The following PCDH7 variants were observed in gnomAD, a reference collection of about 807,000 sequenced individuals.
PCDH7 encodes protocadherin-7.
Under a neutral mutation model 58.9 loss-of-function variants are expected in PCDH7, and 17 were observed. The observed-to-expected ratio is 0.29, with a 90% CI of 0.20 to 0.43. The LOEUF (loss-of-function observed/expected upper bound fraction) is 0.43. Ranked by LOEUF, PCDH7 falls within the 20% of genes least tolerant of loss-of-function variation. The probability of loss-of-function intolerance (pLI) is 1.00; values close to 1 mark genes in which losing one functional copy is unlikely to be tolerated. For synonymous variants in PCDH7, 664 were observed against 616.4 expected, an observed-to-expected ratio of 1.08 and a Z score of -1.14; for missense variants, 1,274 against 1,441.0, an observed-to-expected ratio of 0.88 and a Z score of 1.88.
At chr4:30,808,527 A>C (rs536019375) in intron 1 of PCDH7, among the ~76,000 whole-genome samples, 9 of 152,228 alleles carry the variant, frequency 5.9e-5, no homozygotes, top group African/African-American at 2.2e-4. Context: ...TCTCCTTTTT[A>C]ATGATATTTC....
intron 1 of PCDH7, among the ~76,000 whole-genome samples, chr4:30,845,571 T>G (rs927558300): frequency 5.9e-5 from 9 of 152,114 alleles, no homozygotes; most frequent in Admixed American, 1.3e-4. Context: ...TACAACGCAA[T>G]AGGAAATAGG....
intron 1 of PCDH7, among the ~76,000 whole-genome samples, chr4:30,859,419 G>A (rs1733901472): frequency 2.6e-5 from 4 of 151,700 alleles, no homozygotes; most frequent in Admixed American, 2.6e-4. Context: ...GTGCATCAGA[G>A]AAAGCTCTAA....
chr4:31,017,136 A>C (rs1753682213), intron 3 of PCDH7, among the ~76,000 whole-genome samples: 2 of 152,130 alleles, frequency 1.3e-5, no homozygotes, highest in Admixed American at 1.3e-4. Flanking sequence ...GCCAACTGTA[A>C]AAGCTGCCCA....
At chr4:30,935,469 C>G (rs575501335) in intron 2 of PCDH7, 1 of 225,202 alleles carries the variant, frequency 4.4e-6, no homozygotes, top group Non-Finnish European at 7.4e-6. Flanking sequence ...TTCTATGAAA[C>G]TATAGAAAAA....
intron 3 of PCDH7, among the ~76,000 whole-genome samples, chr4:30,988,570 A>G (rs1434893051): frequency 1.3e-5 from 2 of 152,170 alleles, no homozygotes; most frequent in African/African-American, 4.8e-5. Context: ...CAATTTCTAT[A>G]TTTGTGAACT....
intron 2 of PCDH7, among the ~76,000 whole-genome samples, chr4:30,949,258 C>T (rs1462725008): frequency 6.6e-6 from 1 of 152,022 alleles, no homozygotes; most frequent in East Asian, 1.9e-4. Flanking sequence ...TTAAGAGAAA[C>T]ATTTTTTATA....
At chr4:30,916,794 A>C (rs1742525826) in intron 1 of PCDH7, among the ~76,000 whole-genome samples, 2 of 152,190 alleles carry the variant, frequency 1.3e-5, no homozygotes, top group Non-Finnish European at 2.9e-5. Context: ...TCTTCCTGAC[A>C]ATAAAGTTTC....
intron 3 of PCDH7, among the ~76,000 whole-genome samples, chr4:31,069,847 TATAAA>T (rs1758396151): frequency 6.8e-6 from 1 of 146,256 alleles, no homozygotes; most frequent in Non-Finnish European, 1.5e-5. Context: ...ATATTTTATA[TATAAA>T]TTAATCTCAA....
intron 1 of PCDH7, among the ~76,000 whole-genome samples, chr4:30,760,205 C>T (rs568445242): frequency 3.0e-4 from 45 of 152,296 alleles, no homozygotes; most frequent in African/African-American, 9.6e-4. Context: ...TGTCACAGCT[C>T]TTGCTGAAGG....
At chr4:30,824,135 CTTTCTTTCTTTCT>C (rs1728788201) in intron 1 of PCDH7, among the ~76,000 whole-genome samples, 1 of 143,480 alleles carries the variant, frequency 7.0e-6, no homozygotes, top group Admixed American at 7.1e-5. Flanking sequence ...TTCTTTCTTT[CTTTCTTTCTTTCT>C]TTCTTTCTTT....
At position 30,932,933 on chromosome 4, in the gene PCDH7, C is replaced by T. The variant is rs560471364; in HGVS notation, c.287+12564C>T. Among the ~76,000 whole-genome samples the T allele has an allele frequency of 1.6e-3, 237 of 152,238 alleles. 1 individual carries two copies. Among genetic ancestry groups the T allele is most frequent in the Non-Finnish European group, 2.6e-3 (175 of 68,008 alleles). On this transcript the variant is annotated intron_variant, in intron 2 of 3. Coordinates refer to the PCDH7 transcript ENST00000509759. ...CTCTGCCTCCTCTTCAAAGCAATAC[C>T]CTTTCTTTAAGGAGAGCCAAGGAAA...
chr4:30,738,262 T>C (rs1577599732), intron 1 of PCDH7, among the ~76,000 whole-genome samples: 2 of 152,182 alleles, frequency 1.3e-5, no homozygotes, highest in Non-Finnish European at 2.9e-5. Flanking sequence ...GACTGGACCA[T>C]TGTTTCTTCA....
At chr4:30,925,036 G>T (rs1351489767) in intron 2 of PCDH7, among the ~76,000 whole-genome samples, 3 of 152,042 alleles carry the variant, frequency 2.0e-5, no homozygotes, top group Non-Finnish European at 2.9e-5. Context: ...CTTTATACAT[G>T]AATATTTTTG....
At chr4:30,922,681 G>A (rs1233985235) in intron 2 of PCDH7, among the ~76,000 whole-genome samples, 1 of 152,026 alleles carries the variant, frequency 6.6e-6, no homozygotes, top group Non-Finnish European at 1.5e-5. Flanking sequence ...CCTGTCAAAA[G>A]CAAGGGTCAT....
At chr4:30,760,191 G>T (rs1301592262) in intron 1 of PCDH7, among the ~76,000 whole-genome samples, 1 of 152,144 alleles carries the variant, frequency 6.6e-6, no homozygotes, top group Admixed American at 6.5e-5. Context: ...CTCCTACAAT[G>T]CCTTGTCACA....
chr4:30,797,751 C>T (rs1280972779), intron 1 of PCDH7, among the ~76,000 whole-genome samples: 2 of 152,084 alleles, frequency 1.3e-5, no homozygotes, highest in African/African-American at 4.8e-5. Flanking sequence ...AGATTGCTTA[C>T]TAAACAATGG....
chr4:31,032,927 T>C (rs1006442462), intron 3 of PCDH7, among the ~76,000 whole-genome samples: 2 of 152,054 alleles, frequency 1.3e-5, no homozygotes, highest in Admixed American at 1.3e-4. Flanking sequence ...TTTCCTTTGG[T>C]CAAGTCTCTG....
At chr4:30,844,872 AC>A in intron 1 of PCDH7, among the ~76,000 whole-genome samples, 2 of 152,276 alleles carry the variant, frequency 1.3e-5, no homozygotes, top group East Asian at 3.9e-4. Flanking sequence ...TCTCTTTTCT[AC>A]ATTTTGAGGG....
intron 3 of PCDH7, among the ~76,000 whole-genome samples, chr4:31,045,309 C>T (rs1756191541): frequency 1.3e-5 from 2 of 151,676 alleles, no homozygotes; most frequent in Non-Finnish European, 2.9e-5. Context: ...ATTTGTATTT[C>T]GATTGCAAAC....
Sources: gnomAD v4.1 joint callset for allele counts (sites outside exome capture counted in the v4.1 genomes callset) on GRCh38, gnomAD v4.1.1 for gene constraint, MANE v1.5 for transcripts, NCBI Gene and HGNC (gene_info 2026-07-23, HGNC 2026-07-21) for gene names.